SLC2A14: variants seen among roughly 807,000 people sequenced by gnomAD.
SLC2A14 encodes the protein solute carrier family 2, facilitated glucose transporter member 14.
In SLC2A14, 13 loss-of-function variants were observed where a neutral mutation model predicts 43.0. That is an observed-to-expected ratio of 0.30 (90% CI 0.20 to 0.48). The LOEUF is 0.48. Among genes scored for constraint, SLC2A14 ranks in the 20% least tolerant of loss-of-function variants. The pLI is 0.99. For synonymous variants in SLC2A14, 190 were observed against 233.8 expected, an observed-to-expected ratio of 0.81 and a Z score of 1.71; for missense variants, 428 against 620.4, an observed-to-expected ratio of 0.69 and a Z score of 3.29.
upstream of SLC2A14, among the ~76,000 whole-genome samples, chr12:7,875,767 G>A (rs1000336778): frequency 1.3e-5 from 2 of 152,048 alleles, no homozygotes; most frequent in Non-Finnish European, 2.9e-5. Context: ...GAGGTCAGGC[G>A]TTCAAGACCA....
In SLC2A14 at chr12:7,821,345, G is replaced by A. The variant is rs1333207375; in HGVS notation, c.865-20C>T. The A allele has an allele frequency of 1.1e-5, 18 of 1,597,482 alleles. No homozygotes were observed. Among genetic ancestry groups the A allele is most frequent in the African/African-American group, 1.3e-5 (1 of 74,544 alleles). On this transcript the variant is annotated intron_variant, in intron 7 of 10. Transcript: ENST00000431042. ...GAACACCTAGGAGAAAAGAAAACAT[G>A]CAGCTTTGATAAAATTCTGCACACC...
intron 4 of SLC2A14, 85 bp from the exon 5 acceptor site, chr12:7,830,091 T>G: frequency 2.6e-6 from 4 of 1,540,122 alleles, no homozygotes; most frequent in Non-Finnish European, 2.6e-6. Flanking sequence ...ATTCTGCTCT[T>G]CTCCAGGCTT....
Position 7,830,685 on chromosome 12 carries a change from T to A in SLC2A14, c.273-679A>T, listed in dbSNP as rs768983620. On this transcript the variant is annotated intron_variant, in intron 4 of 10. Transcript: ENST00000431042. ...GAAGAACATTAGCAAGTAAAATAGG[T>A]TGCCTTATCAATTTTTAAATGTGAA... 2.0e-5 allele frequency among the ~76,000 whole-genome samples: 3 copies of A among 152,076 alleles called. No individual in the cohort carries two copies. The South Asian group carries it at 6.2e-4, about 32-fold the overall frequency.
chr12:7,841,753 A>T (rs2120863187), intron 2 of SLC2A14, among the ~76,000 whole-genome samples: 1 of 152,192 alleles, frequency 6.6e-6, no homozygotes, highest in East Asian at 1.9e-4. Context: ...AACGCCTGTA[A>T]TCCCAGAACT....
intron 2 of SLC2A14, among the ~76,000 whole-genome samples, chr12:7,849,021 T>G (rs1174484374): frequency 6.6e-6 from 1 of 151,872 alleles, no homozygotes; most frequent in African/African-American, 2.4e-5. Flanking sequence ...GCCCGGCTAA[T>G]TTTTGTATTT....
At chr12:7,887,558 CAGATAGATAGATAGAT>C (rs58618647) in intron 1 of SLC2A14, among the ~76,000 whole-genome samples, 2,678 of 148,518 alleles carry the variant, frequency 0.018, 41 homozygotes, top group African/African-American at 0.036. Flanking sequence ...GTAGATAAAT[CAGATAGATAGATAGAT>C]AGATAGATAG....
rs748134219 is a variant in SLC2A14, at chr12:7,813,449, A to AT, written c.*866dup. Reference sequence around the variant, plus strand: ...CCAAAATTAGAACCCATCAACCGCCATTAACTACAATGCCCATATTAGTTA... The same window carrying AT: ...CCAAAATTAGAACCCATCAACCGCCATTTAACTACAATGCCCATATTAGTTA... On this transcript the variant is annotated 3_prime_UTR_variant, in exon 11 of 11. Coordinates refer to ENST00000431042, the MANE Select transcript of SLC2A14 (RefSeq NM_001286234.2). The AT allele has an allele frequency of 1.3e-5, 2 of 152,224 alleles. No individual in the cohort carries two copies. The highest frequency in any genetic ancestry group is 2.9e-5 in the Non-Finnish European group (2 of 68,048). The allele number at this position is 152,224 out of a possible 1,614,324, so 9.4% of individuals were successfully genotyped here. A position where few individuals can be genotyped will look rare whatever the true frequency, so the allele number is the denominator to read the frequency against.
At chr12:7,817,221 T>C (rs1213653266) in intron 10 of SLC2A14, among the ~76,000 whole-genome samples, 1 of 152,028 alleles carries the variant, frequency 6.6e-6, no homozygotes, top group African/African-American at 2.4e-5. Flanking sequence ...GCTCAAGCGA[T>C]TCTCCTGCCT....
chr12:7,833,019 A>G, intron 2 of SLC2A14, among the ~76,000 whole-genome samples: 1 of 152,198 alleles, frequency 6.6e-6, no homozygotes, highest in East Asian at 1.9e-4. Flanking sequence ...TAAGAATGTG[A>G]AGTTAACTTG....
At chr12:7,834,251 T>C (rs1865260955) in intron 2 of SLC2A14, among the ~76,000 whole-genome samples, 1 of 152,066 alleles carries the variant, frequency 6.6e-6, no homozygotes, top group African/African-American at 2.4e-5. Context: ...ATTTTCTTTC[T>C]TTTTTGTAGA....
chr12:7,818,687 A>C (rs1263073292), intron 9 of SLC2A14, among the ~76,000 whole-genome samples: 1 of 127,874 alleles, frequency 7.8e-6, no homozygotes, highest in Non-Finnish European at 1.6e-5. Flanking sequence ...AAAACAAAAA[A>C]ATACTTTTTT....
chr12:7,840,493 C>T (rs1164247876), intron 2 of SLC2A14, among the ~76,000 whole-genome samples: 5 of 152,074 alleles, frequency 3.3e-5, no homozygotes, highest in Non-Finnish European at 7.4e-5. Context: ...GATTCTCCTG[C>T]CTCAGCCTCC....
upstream of SLC2A14, chr12:7,873,418 G>C: frequency 1.1e-6 from 1 of 934,610 alleles, no homozygotes. Context: ...GAGGAGAGCG[G>C]ATAACTTGAG....
chr12:7,882,234 C>T (rs1482130482), intron 1 of SLC2A14, among the ~76,000 whole-genome samples: 7 of 150,316 alleles, frequency 4.7e-5, no homozygotes, highest in African/African-American at 5.0e-5. Context: ...CCGGGAGAAA[C>T]GAACGATTCC....
At chr12:7,887,829 G>A (rs1945713088) in intron 1 of SLC2A14, among the ~76,000 whole-genome samples, 1 of 152,080 alleles carries the variant, frequency 6.6e-6, no homozygotes, top group South Asian at 2.1e-4. Context: ...TAGTCCCAAT[G>A]TATTCGTCAG....
intron 2 of SLC2A14, among the ~76,000 whole-genome samples, chr12:7,833,795 A>AGAG (rs774543564): frequency 2.1e-5 from 3 of 145,380 alleles, no homozygotes; most frequent in Admixed American, 6.9e-5. Flanking sequence ...AAAAAAAAAA[A>AGAG]AGAGAGAGAG....
At chr12:7,875,014 A>ATATAT (rs1236619983), upstream of SLC2A14, among the ~76,000 whole-genome samples, 4 of 108,124 alleles carry the variant, frequency 3.7e-5, no homozygotes, top group Non-Finnish European at 6.8e-5. Flanking sequence ...ACATATATAA[A>ATATAT]AATTATATAT....
At chr12:7,825,612 A>C (rs960537526) in intron 7 of SLC2A14, among the ~76,000 whole-genome samples, 1 of 150,502 alleles carries the variant, frequency 6.6e-6, no homozygotes, top group African/African-American at 2.4e-5. Flanking sequence ...AAATGCAAAA[A>C]ATTAGCTGGG....
intron 1 of SLC2A14, among the ~76,000 whole-genome samples, chr12:7,878,585 A>C (rs1195353364): frequency 1.3e-5 from 2 of 152,068 alleles, no homozygotes; most frequent in African/African-American, 2.4e-5. Context: ...AGATGGTTAA[A>C]GTATATACTG....
Sources: gnomAD v4.1 joint callset for allele counts (sites outside exome capture counted in the v4.1 genomes callset) on GRCh38, gnomAD v4.1.1 for gene constraint, MANE v1.5 for transcripts, NCBI Gene and HGNC (gene_info 2026-07-23, HGNC 2026-07-21) for gene names.